Variants in RPH3AL observed in about 807,000 individuals in gnomAD.
The protein encoded by RPH3AL is rab effector Noc2.
In RPH3AL, 38 loss-of-function variants were observed where a neutral mutation model predicts 43.1. That is an observed-to-expected ratio of 0.88 (90% CI 0.68 to 1.15). RPH3AL has a LOEUF of 1.15. RPH3AL is among the 50% of genes most tolerant of loss of function. The pLI is 0.00. For synonymous variants in RPH3AL, 189 were observed against 176.3 expected, an observed-to-expected ratio of 1.07 and a Z score of -0.57; for missense variants, 462 against 423.2, an observed-to-expected ratio of 1.09 and a Z score of -0.81.
rs1264428621 is a variant in RPH3AL at position 215,189 on chromosome 17, T to G, written c.876+465A>C. Among the ~76,000 whole-genome samples, 1 of 152,044 alleles carries G rather than the reference T, an allele frequency of 6.6e-6. No individual in the cohort carries two copies. Among genetic ancestry groups the G allele is most frequent in the Non-Finnish European group, 1.5e-5 (1 of 67,988 alleles). ...CTGCGCAGTTTTCTCTGGCTTCAGT[T>G]TAAGGAGAACCCTCACCCCCGCCAC... is the stretch of plus-strand genomic sequence containing the variant. On this transcript the variant is annotated intron_variant, in intron 9 of 9. Coordinates refer to ENST00000331302, the MANE Select transcript of RPH3AL (RefSeq NM_006987.4). This position sits in a 1 kb window ranked among gnomAD's most constrained non-coding sequence, Gnocchi z 4.1.
At position 289,809 on chromosome 17, in the gene RPH3AL, A is replaced by G. The variant is rs2043005462; in HGVS notation, c.352-7955T>C. ...ACGCTGTCTCTTCATTAACCTACAC[A>G]CCCCTCGGACCTCAGCAAAAGCACC... On this transcript the variant is annotated intron_variant, in intron 5 of 9. Transcript: ENST00000331302. The surrounding 1 kb of genome is among the most constrained non-coding windows in gnomAD (Gnocchi z 5.2). 6.6e-6 allele frequency among the ~76,000 whole-genome samples: 1 copy of G among 151,282 alleles called. No individual in the cohort carries two copies. Among genetic ancestry groups the G allele is most frequent in the South Asian group, 2.1e-4 (1 of 4,776 alleles).
intron 7 of RPH3AL, among the ~76,000 whole-genome samples, chr17:226,816 T>C (rs2041117420): frequency 6.6e-6 from 1 of 152,204 alleles, no homozygotes; most frequent in Non-Finnish European, 1.5e-5. Flanking sequence ...TCACAAAGAT[T>C]TCAGACTCAT....
intron 6 of RPH3AL, among the ~76,000 whole-genome samples, chr17:261,505 C>T (rs556700866): frequency 3.0e-4 from 45 of 152,298 alleles, no homozygotes; most frequent in Admixed American, 6.5e-4. Flanking sequence ...GAAACAAATT[C>T]CCACTGTTTA....
rs913314519 is a variant in RPH3AL, at chr17:215,891, A to G, written c.728-89T>C. The G allele has an allele frequency of 8.2e-7, 1 of 1,225,104 alleles. No homozygotes were observed. Among genetic ancestry groups the G allele is most frequent in the African/African-American group, 1.6e-5 (1 of 62,998 alleles). 75.9% of individuals were successfully genotyped at this position (1,225,104 alleles called of 1,614,324 possible). ...TCCTCGTTTGGAACTCTAGATCTCT[A>G]TGGGATGTCTGCCCCCCACCCCACC... On this transcript the variant is annotated intron_variant, in intron 8 of 9. Transcript: ENST00000331302. This position sits in a 1 kb window ranked among gnomAD's most constrained non-coding sequence, Gnocchi z 4.1.
At chr17:331,768 G>A (rs1567530586) in intron 2 of RPH3AL, 3 of 1,288,930 alleles carry the variant, frequency 2.3e-6, no homozygotes, top group Non-Finnish European at 3.0e-6. Context: ...TGGGCTCAGA[G>A]GGCAGAAAGT....
intron 7 of RPH3AL, among the ~76,000 whole-genome samples, chr17:223,689 A>G (rs936328522): frequency 2.6e-5 from 4 of 152,174 alleles, no homozygotes; most frequent in Non-Finnish European, 5.9e-5. Flanking sequence ...AAAATCCACC[A>G]TGGGCACTGG....
intron 7 of RPH3AL, among the ~76,000 whole-genome samples, chr17:222,889 C>T (rs1382249650): frequency 1.3e-5 from 2 of 152,174 alleles, no homozygotes; most frequent in Non-Finnish European, 2.9e-5. Flanking sequence ...AGCAAGTTGC[C>T]TCCATCAATA....
At chr17:324,722 T>A (rs186459058) in intron 3 of RPH3AL, among the ~76,000 whole-genome samples, 131 of 151,972 alleles carry the variant, frequency 8.6e-4, no homozygotes, top group Admixed American at 2.4e-3. Flanking sequence ...TATCTATCTA[T>A]CTATCTATCT....
rs548169665 is a variant in RPH3AL, at chr17:345,107, A to AACACACACACACACACACAC, written c.-213+7604_-213+7605insGTGTGTGTGTGTGTGTGTGT. On this transcript the variant is annotated intron_variant, in intron 1 of 9. Coordinates refer to ENST00000331302, the MANE Select transcript of RPH3AL (RefSeq NM_006987.4). ...AACATGGTGAAACCTTGTCTCTGAA[A>AACACACACACACACACACAC]ACACACACACACACAGAAAAAATTA... 1.5e-4 allele frequency among the ~76,000 whole-genome samples: 20 copies of AACACACACACACACACACAC among 134,168 alleles called. 4 individuals are homozygous for AACACACACACACACACACAC. The highest frequency in any genetic ancestry group is 1.4e-3 in the East Asian group (6 of 4,138). 88.0% of individuals were successfully genotyped at this position (134,168 alleles called of 152,430 possible).
chr17:341,656 G>A (rs1308990085), intron 1 of RPH3AL, among the ~76,000 whole-genome samples: 2 of 152,092 alleles, frequency 1.3e-5, no homozygotes, highest in African/African-American at 4.8e-5. Flanking sequence ...CTAAGATTTG[G>A]CAATGATTTC....
intron 7 of RPH3AL, among the ~76,000 whole-genome samples, chr17:244,311 A>C (rs966492477): frequency 6.8e-6 from 1 of 147,898 alleles, no homozygotes; most frequent in African/African-American, 2.5e-5. Context: ...TTCCTCTTCC[A>C]ACAGGGCATG....
At chr17:228,439 C>A (rs539867400) in intron 7 of RPH3AL, among the ~76,000 whole-genome samples, 1 of 152,042 alleles carries the variant, frequency 6.6e-6, no homozygotes, top group Non-Finnish European at 1.5e-5. Context: ...AGGAGTAACG[C>A]GTTCGGCATC....
At chr17:270,037 C>G (rs951804836) in intron 6 of RPH3AL, among the ~76,000 whole-genome samples, 2 of 152,218 alleles carry the variant, frequency 1.3e-5, no homozygotes, top group Non-Finnish European at 2.9e-5. Context: ...GCACTGATAG[C>G]GGGTCTCTCT....
chr17:277,321 G>A (rs368911723), intron 6 of RPH3AL, among the ~76,000 whole-genome samples: 1 of 152,210 alleles, frequency 6.6e-6, no homozygotes, highest in Non-Finnish European at 1.5e-5. Context: ...AACAGTGGTT[G>A]TCTCTGATTC....
In RPH3AL at chr17:321,189, C is replaced by T. The variant is rs563818365; in HGVS notation, c.221+83G>A. The T allele has an allele frequency of 1.0e-4, 154 of 1,494,440 alleles. 1 individual carries two copies. The East Asian group carries it at 1.6e-3, about 16-fold the overall frequency. 92.6% of individuals were successfully genotyped at this position (1,494,440 alleles called of 1,614,324 possible). A position where few individuals can be genotyped will look rare whatever the true frequency, so the allele number is the denominator to read the frequency against. On this transcript the variant is annotated intron_variant, in intron 4 of 9. Transcript: ENST00000331302. ...AGAGGTAAATAGCAAAACCAGGACC[C>T]GGAGTGCCGGCCTCCCAGTCCCCTG...
At chr17:308,070 C>T (rs180972194) in intron 5 of RPH3AL, among the ~76,000 whole-genome samples, 3 of 152,222 alleles carry the variant, frequency 2.0e-5, no homozygotes, top group Non-Finnish European at 4.4e-5. Flanking sequence ...AAGCTTCAGT[C>T]GCTGAATGAA....
rs993120564 is a variant in RPH3AL at position 231,781 on chromosome 17, C to G, written c.614-12045G>C. Among the ~76,000 whole-genome samples, 4 of 152,252 alleles carry G rather than the reference C, an allele frequency of 2.6e-5. No individual in the cohort carries two copies. The East Asian group carries it at 7.7e-4, about 29-fold the overall frequency. Reference sequence around the variant, plus strand: ...GGGGCCCGCAGATGTCACCTTGCAGCTGGAATTGACCAATCAGCCAAGGTT... The same window carrying G: ...GGGGCCCGCAGATGTCACCTTGCAGGTGGAATTGACCAATCAGCCAAGGTT... On this transcript the variant is annotated intron_variant, in intron 7 of 9. Coordinates refer to ENST00000331302, the MANE Select transcript of RPH3AL (RefSeq NM_006987.4).
intron 5 of RPH3AL, among the ~76,000 whole-genome samples, chr17:317,021 G>C (rs1301692184): frequency 1.4e-5 from 2 of 141,192 alleles, no homozygotes; most frequent in African/African-American, 2.7e-5. Context: ...TGTAGTCTCT[G>C]TGCTCCACCT....
chr17:264,376 T>C lies in RPH3AL; in HGVS notation c.439-17091A>G, dbSNP rs1484747787. 1.7e-5 allele frequency among the ~76,000 whole-genome samples: 1 copy of C among 60,092 alleles called. No individual in the cohort carries two copies. Among genetic ancestry groups the C allele is most frequent in the African/African-American group, 6.3e-5 (1 of 15,918 alleles). 39.4% of individuals were successfully genotyped at this position (60,092 alleles called of 152,430 possible). On this transcript the variant is annotated intron_variant, in intron 6 of 9. Transcript: ENST00000331302. The surrounding 1 kb of genome is among the most constrained non-coding windows in gnomAD (Gnocchi z 4.8). ...ATGGGGACTCAGAATCCGCAGCACGTTGACAGCAGGATTACCCTTCGGAGC... is the reference window on the plus strand; with the variant it reads ...ATGGGGACTCAGAATCCGCAGCACGCTGACAGCAGGATTACCCTTCGGAGC...
Sources: gnomAD v4.1 joint callset for allele counts (sites outside exome capture counted in the v4.1 genomes callset) on GRCh38, gnomAD v4.1.1 for gene constraint, Gnocchi (gnomAD v3.1) non-coding constraint, MANE v1.5 for transcripts, NCBI Gene and HGNC (gene_info 2026-07-23, HGNC 2026-07-21) for gene names.